Variants in NOLC1 observed in about 807,000 individuals in gnomAD.
The protein encoded by NOLC1 is 140 kDa nucleolar phosphoprotein.
Under a neutral mutation model 73.4 loss-of-function variants are expected in NOLC1, and 37 were observed. The ratio of observed to expected loss-of-function variants is 0.50; its 90% CI spans 0.39 to 0.66. The LOEUF is 0.66. Ranked by LOEUF, NOLC1 falls within the 30% of genes least tolerant of loss-of-function variation. The pLI, the probability that NOLC1 is intolerant of heterozygous loss-of-function variation, is 0.00. For synonymous variants in NOLC1, 327 were observed against 302.6 expected, an observed-to-expected ratio of 1.08 and a Z score of -0.84; for missense variants, 921 against 838.9, an observed-to-expected ratio of 1.10 and a Z score of -1.21.
chr10:102,160,170 T>G, intron 8 of NOLC1, 63 bp from the exon 9 acceptor site: 1 of 1,595,570 alleles, frequency 6.3e-7, no homozygotes, highest in Non-Finnish European at 8.6e-7. Flanking sequence ...TTGCATTCTT[T>G]TTATTGCTGT....
In NOLC1 at chr10:102,160,000, A is replaced by G; in HGVS notation, c.964A>G (p.Ser322Gly). 1 of 1,612,946 alleles carries G rather than the reference A, an allele frequency of 6.2e-7. No homozygotes were observed. Among genetic ancestry groups the G allele is most frequent in the Non-Finnish European group, 8.5e-7 (1 of 1,179,454 alleles). Reference protein sequence around the residue: ...AVEKQQPVESSEDSSDESDSS... With the variant: ...AVEKQQPVESGEDSSDESDSS... ...GGAGAAGCAGCAGCCTGTGGAAAGC[A>G]GTGAAGACAGCAGTGATGAGTCTGG... is the stretch of plus-strand genomic sequence containing the variant. Residue 322 changes from serine (S) to glycine (G), a missense_variant, in exon 8 of 13, where the codon AGT (serine) becomes GGT (glycine). Ser to Gly is a moderately conservative substitution (Grantham distance 56, BLOSUM62 0). Transcript: ENST00000605788.
intron 1 of NOLC1, among the ~76,000 whole-genome samples, chr10:102,153,092 G>A (rs2069533670): frequency 6.6e-6 from 1 of 152,358 alleles, no homozygotes; most frequent in Non-Finnish European, 1.5e-5. Context: ...TAGTGGGCTT[G>A]GAGCTTTGGC....
rs186158065 is a variant in NOLC1 at position 102,162,410 on chromosome 10, A to T, written c.*141A>T. On this transcript the variant is annotated 3_prime_UTR_variant, in exon 13 of 13. Coordinates refer to ENST00000605788, the MANE Select transcript of NOLC1 (RefSeq NM_004741.5). ...AGTAGGTCCTAAGACTTTACAGTGT[A>T]ACATCCTCTCTGGTCCTTTTCTGTG... The T allele has an allele frequency of 1.3e-6, 1 of 786,570 alleles. No homozygotes were observed. 48.7% of individuals were successfully genotyped at this position (786,570 alleles called of 1,614,324 possible). A position where few individuals can be genotyped will look rare whatever the true frequency, so the allele number is the denominator to read the frequency against.
chr10:102,161,796 C>T, intron 11 of NOLC1, 37 bp from the exon 12 acceptor site: 1 of 1,594,366 alleles, frequency 6.3e-7, no homozygotes, highest in Non-Finnish European at 8.6e-7. Context: ...GTTACATGAC[C>T]ACTCTGTCTT....
At chr10:102,154,238 ATTT>A (rs71016366) in intron 1 of NOLC1, among the ~76,000 whole-genome samples, 3 of 126,406 alleles carry the variant, frequency 2.4e-5, no homozygotes, top group Non-Finnish European at 3.3e-5. Context: ...TGCCTGGCTA[ATTT>A]TTTTTTTTTT....
In NOLC1 at chr10:102,158,028, TC is replaced by T. The variant is rs2069627132; in HGVS notation, c.442-19del. 6.2e-7 allele frequency: 1 copy of T among 1,606,290 alleles called. No homozygotes were observed. Among genetic ancestry groups the T allele is most frequent in the Non-Finnish European group, 8.5e-7 (1 of 1,177,006 alleles). On this transcript the variant is annotated intron_variant, in intron 4 of 12. Transcript: ENST00000605788. ...ACCCGGAAGCTTTTGCTGATTTCTC[TC>T]CTTGTGTCTTTTCTAACAGAAGGGA...
intron 1 of NOLC1, among the ~76,000 whole-genome samples, chr10:102,153,787 C>T (rs920295967): frequency 6.7e-6 from 1 of 150,184 alleles, no homozygotes; most frequent in Non-Finnish European, 1.5e-5. Context: ...ATTATCCTGC[C>T]TCAGCCTCCC....
rs2069741891 is a variant in NOLC1, at chr10:102,163,202, T to C, written c.*933T>C. 1 of 152,172 alleles carries C rather than the reference T, an allele frequency of 6.6e-6. No individual in the cohort carries two copies. Among genetic ancestry groups the C allele is most frequent in the African/African-American group, 2.4e-5 (1 of 41,416 alleles). The allele number at this position is 152,172 out of a possible 1,614,324, so 9.4% of individuals were successfully genotyped here. ...GGTTGCAGTGGTGATACAGAATTGG[T>C]TTCATTAATTCCTACATGGTTGAGA... On this transcript the variant is annotated 3_prime_UTR_variant, in exon 13 of 13. Coordinates refer to ENST00000605788, the MANE Select transcript of NOLC1 (RefSeq NM_004741.5).
chr10:102,161,537 C>G lies in NOLC1; in HGVS notation c.1742-19C>G, dbSNP rs773097091. The G allele has an allele frequency of 6.2e-7, 1 of 1,601,188 alleles. No individual in the cohort carries two copies. The highest frequency in any genetic ancestry group is 1.3e-5 in the African/African-American group (1 of 74,638). On this transcript the variant is annotated intron_variant, in intron 10 of 12. Transcript: ENST00000605788. Reference sequence around the variant, plus strand: ...GTGAGCCACTGTACTCGGCCTGAGTCTGGCTTTTTGTTTTGTAGGTTCATT... The same window carrying G: ...GTGAGCCACTGTACTCGGCCTGAGTGTGGCTTTTTGTTTTGTAGGTTCATT...
chr10:102,158,309 C>A, intron 5 of NOLC1, 95 bp downstream of exon 5: 1 of 1,041,478 alleles, frequency 9.6e-7, no homozygotes, highest in Non-Finnish European at 1.4e-6. Context: ...TGAAATGGTA[C>A]TGTTTGTTGA....
At chr10:102,154,099 T>C (rs1049546207) in intron 1 of NOLC1, among the ~76,000 whole-genome samples, 10 of 130,750 alleles carry the variant, frequency 7.6e-5, no homozygotes, top group Admixed American at 3.2e-4. Context: ...TGAGGCGGAG[T>C]CTGGCTCTGT....
At chr10:102,157,109 C>A in intron 2 of NOLC1, 35 bp downstream of exon 2, 1 of 1,613,950 alleles carries the variant, frequency 6.2e-7, no homozygotes. Context: ...GCTATTTTCT[C>A]CCCCAAGATA....
chr10:102,155,022 A>ATTTTTTTTTTTTTTTTTTTTTTT (rs34034390), intron 1 of NOLC1, among the ~76,000 whole-genome samples: 1 of 131,236 alleles, frequency 7.6e-6, no homozygotes, highest in African/African-American at 2.8e-5. Context: ...CACCTGGCTA[A>ATTTTTTTTTTTTTTTTTTTTTTT]TTTTTTTTTT....
rs961585187 is a variant in NOLC1 at position 102,160,988 on chromosome 10, G to T, written c.1636G>T (p.Ala546Ser). Reference sequence around the variant, plus strand: ...CTCTCCAAGACCACAAGCCCCCAAGGCCAATGGCACCTCTGCACTGACTGC... The same window carrying T: ...CTCTCCAAGACCACAAGCCCCCAAGTCCAATGGCACCTCTGCACTGACTGC... ...KGSPRPQAPKANGTSALTAQN... is the reference protein window; with the variant it reads ...KGSPRPQAPKSNGTSALTAQN... The change falls in exon 10 of 13, where the codon GCC (alanine) becomes TCC (serine). Residue 546 changes from alanine to serine, a missense_variant. Physicochemically the swap from Ala to Ser is moderately conservative, Grantham distance 99. Transcript: ENST00000605788. 8.7e-6 allele frequency: 14 copies of T among 1,613,990 alleles called. No individual in the cohort carries two copies. The highest frequency in any genetic ancestry group is 1.2e-5 in the Non-Finnish European group (14 of 1,180,032).
chr10:102,161,264 C>T (rs1285660112), intron 10 of NOLC1, among the ~76,000 whole-genome samples, 171 bp downstream of exon 10: 1 of 151,072 alleles, frequency 6.6e-6, no homozygotes, highest in African/African-American at 2.4e-5. Context: ...TAGAGTCTCA[C>T]TGTGTCACCC....
rs758219755 is a variant in NOLC1, at chr10:102,157,051, A to G, written c.153A>G (p.Leu51=). The G allele has an allele frequency of 1.2e-6, 2 of 1,614,202 alleles. No individual in the cohort carries two copies. Among genetic ancestry groups the G allele is most frequent in the Non-Finnish European group, 1.7e-6 (2 of 1,180,032 alleles). The change falls in exon 2 of 13, where the codon TTA becomes TTG. Residue 51 remains leucine (L), a synonymous_variant. Transcript: ENST00000605788. ...AGGATGCCAATGCCTCTTCCCTCTT[A>G]GACATCTATAGCTTCTGGCTCAAGT... ...TQQDANASSL[L]DIYSFWLKSA... is the part of the protein sequence containing the mutation.
At position 102,160,965 on chromosome 10, in the gene NOLC1, C is replaced by G. The variant is rs1006604072; in HGVS notation, c.1613C>G (p.Ser538Cys). The change falls in exon 10 of 13, where the codon TCT becomes TGT. Residue 538 changes from serine to cysteine, a missense_variant. Coordinates refer to ENST00000605788, the MANE Select transcript of NOLC1 (RefSeq NM_004741.5). Reference protein sequence around the residue: ...EEEEKLKGKGSPRPQAPKANG... With the variant: ...EEEEKLKGKGCPRPQAPKANG... ...GAAGAGAAGCTCAAGGGCAAGGGCTCTCCAAGACCACAAGCCCCCAAGGCC... is the reference window on the plus strand; with the variant it reads ...GAAGAGAAGCTCAAGGGCAAGGGCTGTCCAAGACCACAAGCCCCCAAGGCC... The G allele has an allele frequency of 1.2e-6, 2 of 1,614,064 alleles. No homozygotes were observed. Among genetic ancestry groups the G allele is most frequent in the Non-Finnish European group, 1.7e-6 (2 of 1,180,040 alleles).
chr10:102,153,400 T>G (rs1321379531), intron 1 of NOLC1, among the ~76,000 whole-genome samples: 2 of 152,198 alleles, frequency 1.3e-5, no homozygotes, highest in Non-Finnish European at 2.9e-5. Context: ...TCAACGGACA[T>G]TCCTGCATGG....
intron 1 of NOLC1, 40 bp from the exon 2 acceptor site, chr10:102,156,979 G>C: frequency 6.3e-7 from 1 of 1,592,104 alleles, no homozygotes; most frequent in Non-Finnish European, 8.6e-7. Context: ...GCATAACCAG[G>C]ATAAAATAAT....
Sources: gnomAD v4.1 joint callset for allele counts (sites outside exome capture counted in the v4.1 genomes callset) on GRCh38, gnomAD v4.1.1 for gene constraint, MANE v1.5 for transcripts, NCBI Gene and HGNC (gene_info 2026-07-23, HGNC 2026-07-21) for gene names.